Variants in STX11 observed in about 807,000 individuals in gnomAD.
The protein encoded by STX11 is syntaxin-11.
In STX11, 21 loss-of-function variants were observed where a neutral mutation model predicts 19.9. The observed-to-expected ratio is 1.06, with a 90% CI of 0.75 to 1.52. The LOEUF is 1.52. Among genes scored for constraint, STX11 ranks in the 40% most tolerant of loss-of-function variants. The pLI is 0.00. For synonymous variants in STX11, 193 were observed against 174.4 expected, an observed-to-expected ratio of 1.11 and a Z score of -0.84; for missense variants, 438 against 405.9, an observed-to-expected ratio of 1.08 and a Z score of -0.68.
At chr6:144,140,761 A>G in the STX11 span, 2 of 985,276 alleles carry the variant, frequency 2.0e-6, no homozygotes, top group African/African-American at 3.5e-5. Context: ...AGGGGATGAA[A>G]TGGATGAAGG....
chr6:144,164,491 T>C (rs915555911), intron 1 of STX11, among the ~76,000 whole-genome samples: 5 of 152,218 alleles, frequency 3.3e-5, no homozygotes, highest in Non-Finnish European at 5.9e-5. Context: ...AGCTACAGAA[T>C]TTTCTGCAGT....
chr6:144,150,091 C>A (rs1800954718), upstream of STX11, among the ~76,000 whole-genome samples: 1 of 150,942 alleles, frequency 6.6e-6, no homozygotes, highest in African/African-American at 2.5e-5. Flanking sequence ...CCTCGAGGGT[C>A]CCAGGGATGC....
rs981232208 is a variant in STX11, at chr6:144,172,162, C to T, written c.-5-14461C>T. Among the ~76,000 whole-genome samples, 6 of 152,282 alleles carry T rather than the reference C, an allele frequency of 3.9e-5. No individual in the cohort carries two copies. In the South Asian group the frequency reaches 1.0e-3, roughly 26 times the overall value. ...GTATCAGGTAGCTTTGTCAGTATAA[C>T]AAGCCACCCCCAAATAACAATTTTC... On this transcript the variant is annotated intron_variant, in intron 1 of 1. Transcript: ENST00000367568. The surrounding 1 kb of genome is among the most constrained non-coding windows in gnomAD (Gnocchi z 4.2).
At position 144,155,634 on chromosome 6, in the gene STX11, A is replaced by AT. The variant is rs1801116466; in HGVS notation, c.-6+4933dup. On this transcript the variant is annotated intron_variant, in intron 1 of 1. Coordinates refer to ENST00000367568, the MANE Select transcript of STX11 (RefSeq NM_003764.4). This position sits in a 1 kb window ranked among gnomAD's most constrained non-coding sequence, Gnocchi z 4.5. ...CATATCGGTTTGTCTTGGCTGTTCA[A>AT]TTCAACTGTGGTTTCCCTGAGAGAA... 6.6e-6 allele frequency among the ~76,000 whole-genome samples: 1 copy of AT among 152,198 alleles called. No homozygotes were observed. Among genetic ancestry groups the AT allele is most frequent in the Non-Finnish European group, 1.5e-5 (1 of 68,038 alleles).
At position 144,189,323 on chromosome 6, in the gene STX11, A is replaced by C. The variant is rs1418103446; in HGVS notation, c.*1832A>C. ...AGGCCTGAGCCACTGACCCTGGCCA[A>C]ATTTTTTTTCTACTAGCTACTGAGG... On this transcript the variant is annotated 3_prime_UTR_variant, in exon 2 of 2. Transcript: ENST00000367568. Among the ~76,000 whole-genome samples the C allele has an allele frequency of 6.6e-6, 1 of 152,180 alleles. No homozygotes were observed. Among genetic ancestry groups the C allele is most frequent in the Non-Finnish European group, 1.5e-5 (1 of 68,020 alleles).
At position 144,172,956 on chromosome 6, in the gene STX11, T is replaced by C. The variant is rs1801678417; in HGVS notation, c.-5-13667T>C. On this transcript the variant is annotated intron_variant, in intron 1 of 1. Transcript: ENST00000367568. The surrounding 1 kb of genome is among the most constrained non-coding windows in gnomAD (Gnocchi z 4.2). ...TCCATAGCAGTTCTGTCCAAGCACA[T>C]GTTACCAGGTGCCCCTGATCCTGGG... is the stretch of plus-strand genomic sequence containing the variant. Among the ~76,000 whole-genome samples, 1 of 152,120 alleles carries C rather than the reference T, an allele frequency of 6.6e-6. No individual in the cohort carries two copies. The highest frequency in any genetic ancestry group is 2.4e-5 in the African/African-American group (1 of 41,406).
chr6:144,140,236 ATATATATATATATATATATT>A, the STX11 span, among the ~76,000 whole-genome samples: 548 of 51,606 alleles, frequency 0.011, 35 homozygotes, highest in Admixed American at 0.013. Flanking sequence ...ATATATATAT[ATATATATATATATATATATT>A]TATTTATTTA....
the STX11 span, among the ~76,000 whole-genome samples, chr6:144,144,828 A>G: frequency 6.6e-6 from 1 of 152,182 alleles, no homozygotes; most frequent in African/African-American, 2.4e-5. Context: ...ACGGTCATTA[A>G]TTTACTCACA....
chr6:144,161,063 A>G (rs1584023660), intron 1 of STX11, among the ~76,000 whole-genome samples: 1 of 152,242 alleles, frequency 6.6e-6, no homozygotes. Context: ...CATTTTGTAT[A>G]GGTTGAACTT....
At chr6:144,163,939 T>C (rs1448709294) in intron 1 of STX11, among the ~76,000 whole-genome samples, 2 of 152,188 alleles carry the variant, frequency 1.3e-5, no homozygotes, top group Non-Finnish European at 2.9e-5. Context: ...GAGCAAGACC[T>C]TGTCTCTCTC....
upstream of STX11, among the ~76,000 whole-genome samples, chr6:144,146,140 A>G (rs986836625): frequency 2.6e-5 from 4 of 152,216 alleles, no homozygotes; most frequent in Non-Finnish European, 5.9e-5. This position sits in a 1 kb window ranked among gnomAD's most constrained non-coding sequence, Gnocchi z 4.4. Flanking sequence ...TGGCTGTGCT[A>G]GAGGACCTTC....
At chr6:144,163,116 G>A (rs1453133994) in intron 1 of STX11, among the ~76,000 whole-genome samples, 1 of 152,114 alleles carries the variant, frequency 6.6e-6, no homozygotes, top group Non-Finnish European at 1.5e-5. Flanking sequence ...TTTCTCCCAC[G>A]ATCTTCATAG....
chr6:144,156,867 A>G (rs945277356), intron 1 of STX11, among the ~76,000 whole-genome samples: 1 of 152,236 alleles, frequency 6.6e-6, no homozygotes, highest in Non-Finnish European at 1.5e-5. Flanking sequence ...AAGTACTGTC[A>G]TATATATTAT....
At chr6:144,140,254 A>ATATATTT in the STX11 span, among the ~76,000 whole-genome samples, 2 of 38,902 alleles carry the variant, frequency 5.1e-5, no homozygotes, top group African/African-American at 2.6e-4. Flanking sequence ...ATATATATAT[A>ATATATTT]TTTATTTATT....
chr6:144,155,711 C>T lies in STX11; in HGVS notation c.-6+5008C>T, dbSNP rs575368928. ...TTAAGCCACCTCTAAGGCTCCTCCC[C>T]GTCCTAATAACCATTCTGTGTCTTT... On this transcript the variant is annotated intron_variant, in intron 1 of 1. Transcript: ENST00000367568. The surrounding 1 kb of genome is among the most constrained non-coding windows in gnomAD (Gnocchi z 4.5). 3.3e-5 allele frequency among the ~76,000 whole-genome samples: 5 copies of T among 152,312 alleles called. No individual in the cohort carries two copies. The highest frequency in any genetic ancestry group is 2.1e-4 in the South Asian group (1 of 4,828).
In STX11 at chr6:144,191,643, A is replaced by G. The variant is rs1007764078; in HGVS notation, c.*4152A>G. Among the ~76,000 whole-genome samples the G allele has an allele frequency of 1.3e-5, 2 of 152,218 alleles. No individual in the cohort carries two copies. Among genetic ancestry groups the G allele is most frequent in the East Asian group, 1.9e-4 (1 of 5,194 alleles). On this transcript the variant is annotated 3_prime_UTR_variant, in exon 2 of 2. Coordinates refer to ENST00000367568, the MANE Select transcript of STX11 (RefSeq NM_003764.4). ...CTCCTTTCTTTGAAGTATGCGAAGT[A>G]TCTCCAACTGCAGCATGCAACTCAT...
At chr6:144,164,120 GA>G (rs1207619788) in intron 1 of STX11, among the ~76,000 whole-genome samples, 1 of 152,162 alleles carries the variant, frequency 6.6e-6, no homozygotes, top group Non-Finnish European at 1.5e-5. Context: ...ATAAACACAT[GA>G]AAGTCCCTGT....
At position 144,190,271 on chromosome 6, in the gene STX11, T is replaced by A. The variant is rs1303889229; in HGVS notation, c.*2780T>A. 1.3e-5 allele frequency among the ~76,000 whole-genome samples: 2 copies of A among 152,234 alleles called. No homozygotes were observed. The highest frequency in any genetic ancestry group is 2.9e-5 in the Non-Finnish European group (2 of 68,036). On this transcript the variant is annotated 3_prime_UTR_variant, in exon 2 of 2. Transcript: ENST00000367568. ...ACATACTAGCTGTCTGACTGAACCT[T>A]GGTTTTTCTGTGCTTCAGTTTCCTC... is the stretch of plus-strand genomic sequence containing the variant.
chr6:144,184,345 AC>A lies in STX11; in HGVS notation c.-5-2276del, dbSNP rs1465729670. On this transcript the variant is annotated intron_variant, in intron 1 of 1. Coordinates refer to ENST00000367568, the MANE Select transcript of STX11 (RefSeq NM_003764.4). This position sits in a 1 kb window ranked among gnomAD's most constrained non-coding sequence, Gnocchi z 6.5. ...GTAAAAGCATTCCTATTTCTTCACA[AC>A]CACCATCAGCATCTGTTGTTTCTTG... Among the ~76,000 whole-genome samples the A allele has an allele frequency of 1.3e-5, 2 of 152,208 alleles. No homozygotes were observed. Among genetic ancestry groups the A allele is most frequent in the Non-Finnish European group, 2.9e-5 (2 of 68,044 alleles).
Sources: gnomAD v4.1 joint callset for allele counts (sites outside exome capture counted in the v4.1 genomes callset) on GRCh38, gnomAD v4.1.1 for gene constraint, Gnocchi (gnomAD v3.1) non-coding constraint, MANE v1.5 for transcripts, NCBI Gene and HGNC (gene_info 2026-07-23, HGNC 2026-07-21) for gene names.